The following ARAP2 variants were observed in gnomAD, a reference collection of about 807,000 sequenced individuals.
ARAP2 encodes the protein arf-GAP with Rho-GAP domain, ANK repeat and PH domain-containing protein 2.
A neutral mutation model predicts 194.5 loss-of-function variants in ARAP2; 148 were observed. The ratio of observed to expected loss-of-function variants is 0.76; its 90% CI spans 0.67 to 0.87. The LOEUF is 0.87. Among genes scored for constraint, ARAP2 ranks in the 40% least tolerant of loss-of-function variants. ARAP2 has a pLI of 0.00. For synonymous variants in ARAP2, 695 were observed against 683.5 expected (o/e 1.02, Z -0.26); for missense variants, 2,128 against 1,989.7 (o/e 1.07, Z -1.32).
intron 3 of ARAP2, 101 bp downstream of exon 3, chr4:36,214,321 C>T (rs1747428847): frequency 2.4e-6 from 2 of 830,114 alleles, no homozygotes; most frequent in South Asian, 4.5e-5. Flanking sequence ...TTCCATTGTT[C>T]CCTATACCAC....
intron 21 of ARAP2, among the ~76,000 whole-genome samples, chr4:36,127,084 C>T (rs1328719610): frequency 1.3e-5 from 2 of 152,064 alleles, no homozygotes; most frequent in Non-Finnish European, 2.9e-5. Context: ...TATCCTCCTG[C>T]CTTGGCCTCC....
At chr4:36,100,642 T>C (rs1414796621) in intron 27 of ARAP2, among the ~76,000 whole-genome samples, 1 of 152,112 alleles carries the variant, frequency 6.6e-6, no homozygotes, top group Non-Finnish European at 1.5e-5. Context: ...GAATTACTCA[T>C]ATATTTCATT....
chr4:36,181,187 T>C (rs1739159073), intron 8 of ARAP2, among the ~76,000 whole-genome samples: 1 of 152,206 alleles, frequency 6.6e-6, no homozygotes, highest in Admixed American at 6.5e-5. Context: ...GCACCAATCC[T>C]CCTGGAAACA....
chr4:36,067,923 T>C lies in ARAP2; in HGVS notation c.5099A>G (p.Glu1700Gly). The change falls in exon 33 of 33, where the codon GAG becomes GGG. Residue 1700 changes from glutamate to glycine, a missense_variant. Glu to Gly is a moderately conservative substitution (Grantham distance 98). Coordinates refer to ENST00000303965, the MANE Select transcript of ARAP2 (RefSeq NM_015230.4). The stretch of plus-strand genomic sequence containing the variant: ...TTTTATTTCCTACTTCAAAATCTGC[T>C]CATCCTGTAATTCTTTTGGAAGGGT... ...SRTLPKELQD[E>G]QILK The C allele has an allele frequency of 1.3e-6, 2 of 1,580,872 alleles. No individual in the cohort carries two copies. Among genetic ancestry groups the C allele is most frequent in the Non-Finnish European group, 1.7e-6 (2 of 1,161,398 alleles).
rs1244709845 is a variant in ARAP2 at position 36,007,336 on chromosome 4, T to C, written n.1326-290A>G. On this transcript the variant is annotated intron_variant and non_coding_transcript_variant, in intron 9 of 12. Coordinates refer to the ARAP2 transcript ENST00000503225. ...GCCTTTAATCAAAACACAAGTTTCC[T>C]TAAAAACAAAGAAGACATCCATTGA... Among the ~76,000 whole-genome samples, 10 of 152,064 alleles carry C rather than the reference T, an allele frequency of 6.6e-5. 1 individual carries two copies. Among genetic ancestry groups the C allele is most frequent in the Admixed American group, 6.6e-4 (10 of 15,248 alleles).
At chr4:36,080,990 T>C (rs1443683016) in intron 30 of ARAP2, among the ~76,000 whole-genome samples, 3 of 152,178 alleles carry the variant, frequency 2.0e-5, no homozygotes, top group Non-Finnish European at 4.4e-5. Context: ...TTATAATTGA[T>C]ATTGGAAAGA....
chr4:36,103,538 TC>T (rs2109443658), intron 27 of ARAP2, among the ~76,000 whole-genome samples: 1 of 151,756 alleles, frequency 6.6e-6, no homozygotes, highest in East Asian at 1.9e-4. Flanking sequence ...AGTTTCATTC[TC>T]CCTATCTTAA....
In ARAP2 at chr4:36,107,678, T is replaced by G. The variant is rs758690022; in HGVS notation, c.4172A>C (p.Tyr1391Ser). ...CACCTGCTCCAGTACATTTTCCTTG[T>G]AGTGAAGAGGACGCTCTGTAAAAAA... Reference protein sequence around the residue: ...ENEELERPLHYKENVLEQVLR... With the variant: ...ENEELERPLHSKENVLEQVLR... Residue 1391 changes from tyrosine (Y) to serine (S), a missense_variant, in exon 27 of 33, where the codon TAC becomes TCC. Tyr to Ser is a moderately radical substitution (Grantham distance 144). Coordinates refer to ENST00000303965, the MANE Select transcript of ARAP2 (RefSeq NM_015230.4). 6.2e-7 allele frequency: 1 copy of G among 1,608,158 alleles called. No homozygotes were observed. The highest frequency in any genetic ancestry group is 8.5e-7 in the Non-Finnish European group (1 of 1,176,678).
chr4:36,136,640 T>C (rs1337192360), intron 19 of ARAP2, among the ~76,000 whole-genome samples: 1 of 151,676 alleles, frequency 6.6e-6, no homozygotes, highest in Non-Finnish European at 1.5e-5. Context: ...TCTACAAATA[T>C]GGCTGGAAAA....
chr4:36,077,992 T>C (rs1395323240), intron 31 of ARAP2, among the ~76,000 whole-genome samples: 1 of 152,138 alleles, frequency 6.6e-6, no homozygotes, highest in Non-Finnish European at 1.5e-5. Flanking sequence ...CTTCCTCAAT[T>C]AGTGCCTTCC....
At chr4:36,119,510 A>G in intron 24 of ARAP2, 140 bp downstream of exon 24, 1 of 509,434 alleles carries the variant, frequency 2.0e-6, no homozygotes. Flanking sequence ...GAATTACACA[A>G]CCAATTAGTT....
chr4:36,088,946 A>G (rs1712725595), intron 28 of ARAP2, among the ~76,000 whole-genome samples: 1 of 152,130 alleles, frequency 6.6e-6, no homozygotes, highest in South Asian at 2.1e-4. Flanking sequence ...TTATAATTCA[A>G]TATTTAAAAA....
chr4:36,178,787 T>C (rs1228083369), intron 8 of ARAP2, among the ~76,000 whole-genome samples: 1 of 152,186 alleles, frequency 6.6e-6, no homozygotes, highest in East Asian at 1.9e-4. Flanking sequence ...CTGAAGGTCA[T>C]ATAGCAAGTT....
In ARAP2 at chr4:36,219,089, T is replaced by C. The variant is rs117239417; in HGVS notation, c.906-4609A>G. ...AAAAAACACACAAATGTTGAGGGTA[T>C]GAAACAAGAGGAATGCACATACACT... On this transcript the variant is annotated intron_variant, in intron 2 of 32. Transcript: ENST00000303965. Among the ~76,000 whole-genome samples the C allele has an allele frequency of 3.6e-4, 55 of 152,272 alleles. No homozygotes were observed. The East Asian group carries it at 0.01, about 28-fold the overall frequency.
intron 1 of ARAP2, among the ~76,000 whole-genome samples, chr4:36,231,483 C>A (rs1331503412): frequency 1.3e-5 from 2 of 152,164 alleles, no homozygotes; most frequent in African/African-American, 4.8e-5. Flanking sequence ...CTAGCATTAT[C>A]ACAGGATGGA....
At chr4:36,199,001 G>A (rs1743787950) in intron 6 of ARAP2, among the ~76,000 whole-genome samples, 1 of 152,202 alleles carries the variant, frequency 6.6e-6, no homozygotes, top group Non-Finnish European at 1.5e-5. Context: ...GGAGTGGGAG[G>A]CCTGGGTCCC....
At chr4:36,016,105 A>G (rs1715748616) in intron 6 of ARAP2, 1 of 152,194 alleles carries the variant, frequency 6.6e-6, no homozygotes, top group Non-Finnish European at 1.5e-5. Context: ...AAAACTATAT[A>G]GTAGTTAGTT....
intron 8 of ARAP2, among the ~76,000 whole-genome samples, chr4:36,183,259 G>A (rs1012695668): frequency 1.3e-5 from 2 of 149,676 alleles, no homozygotes; most frequent in Non-Finnish European, 3.0e-5. Context: ...AAAAACTAAG[G>A]GGGGCATTCT....
In ARAP2 at chr4:36,096,942, G is replaced by A. The variant is rs183410068; in HGVS notation, c.4286-4922C>T. 2.2e-3 allele frequency among the ~76,000 whole-genome samples: 329 copies of A among 152,206 alleles called. 2 individuals carry two copies. The highest frequency in any genetic ancestry group is 4.4e-3 in the African/African-American group (184 of 41,552). On this transcript the variant is annotated intron_variant, in intron 27 of 32. Transcript: ENST00000303965. Reference sequence around the variant, plus strand: ...TACAAATAGGTATTTTTAAAAGCAAGTTATAATCAAGTTGTGAAATATAGA... The same window carrying A: ...TACAAATAGGTATTTTTAAAAGCAAATTATAATCAAGTTGTGAAATATAGA...
Sources: allele counts gnomAD v4.1 joint callset (sites outside exome capture counted in the v4.1 genomes callset), GRCh38; gene constraint gnomAD v4.1.1; transcripts MANE v1.5; gene names NCBI Gene and HGNC (gene_info 2026-07-23, HGNC 2026-07-21).